TNS3: variants seen among roughly 807,000 people sequenced by gnomAD.
TNS3 encodes the protein tensin 3.
Under a neutral mutation model 140.9 loss-of-function variants are expected in TNS3, and 45 were observed. The observed-to-expected ratio is 0.32, with a 90% CI of 0.25 to 0.41. TNS3 has a LOEUF of 0.41. Ranked by LOEUF, TNS3 falls within the 10% of genes least tolerant of loss-of-function variation. TNS3 has a pLI of 1.00. For synonymous variants in TNS3, 815 were observed against 788.4 expected, an observed-to-expected ratio of 1.03 and a Z score of -0.56; for missense variants, 1,716 against 1,906.7, an observed-to-expected ratio of 0.90 and a Z score of 1.86.
At position 47,428,312 on chromosome 7, in the gene TNS3, C is replaced by T; in HGVS notation, c.389G>A (p.Ser130Asn). ...CAGCGAGCTGACATCTTCATCCTAC[C>T]TGGCTGAGACGTTGGTGAAATGCAT... ...SYMHFTNVSASADQALDRFAM... is the reference protein window; with the variant it reads ...SYMHFTNVSANADQALDRFAM... Residue 130 changes from serine to asparagine, a missense_variant and splice_region_variant, in exon 9 of 31, where the codon AGC (serine) becomes AAC (asparagine). Around this residue, in one of 3 missense-constraint regions of TNS3, gnomAD observed 337 missense variants for 428.9 expected, o/e 0.79. Transcript: ENST00000311160. 6.9e-7 allele frequency: 1 copy of T among 1,441,904 alleles called. No homozygotes were observed. Among genetic ancestry groups the T allele is most frequent in the Non-Finnish European group, 9.2e-7 (1 of 1,091,550 alleles). 89.3% of individuals were successfully genotyped at this position (1,441,904 alleles called of 1,614,324 possible). A position where few individuals can be genotyped will look rare whatever the true frequency, so the allele number is the denominator to read the frequency against.
intron 9 of TNS3, among the ~76,000 whole-genome samples, chr7:47,424,569 C>T (rs1315806845): frequency 4.6e-5 from 7 of 152,136 alleles, no homozygotes; most frequent in Admixed American, 4.6e-4. Context: ...ATAAAGAAGA[C>T]CATTTTAAGT....
chr7:47,460,670 G>T (rs1421757283), intron 4 of TNS3, among the ~76,000 whole-genome samples: 1 of 152,252 alleles, frequency 6.6e-6, no homozygotes, highest in Non-Finnish European at 1.5e-5. Flanking sequence ...GGGCCGGAAT[G>T]GCCCCTAGCC....
intron 27 of TNS3, 139 bp downstream of exon 27, chr7:47,291,816 G>T: frequency 1.1e-6 from 1 of 909,080 alleles, no homozygotes; most frequent in Non-Finnish European, 1.7e-6. Flanking sequence ...CTCTGTGCAA[G>T]CTTCTATAAA....
intron 17 of TNS3, among the ~76,000 whole-genome samples, chr7:47,363,867 G>A (rs1008076975): frequency 2.6e-5 from 4 of 152,200 alleles, no homozygotes; most frequent in South Asian, 2.1e-4. Context: ...CCTTTTGGAC[G>A]TGCCAGAATC....
At chr7:47,430,831 G>A (rs918181781) in intron 8 of TNS3, among the ~76,000 whole-genome samples, 6 of 151,020 alleles carry the variant, frequency 4.0e-5, no homozygotes, top group East Asian at 3.9e-4. Flanking sequence ...AGCGATTCTC[G>A]TGCCTCAGCC....
In TNS3 at chr7:47,564,528, C is replaced by T. The variant is rs571491318; in HGVS notation, c.-265+17523G>A. Among the ~76,000 whole-genome samples, 312 of 150,416 alleles carry T rather than the reference C, an allele frequency of 2.1e-3. 1 individual carries two copies. The highest frequency in any genetic ancestry group is 4.0e-3 in the Non-Finnish European group (274 of 67,748). On this transcript the variant is annotated intron_variant, in intron 1 of 30. Transcript: ENST00000311160. ...GCACACACCTGTAATCCCAGCTACT[C>T]GGGAGGCTGAGGCAGGAGAATAGCT...
intron 4 of TNS3, among the ~76,000 whole-genome samples, chr7:47,467,685 T>C (rs1796779475): frequency 6.6e-6 from 1 of 152,186 alleles, no homozygotes; most frequent in Admixed American, 6.5e-5. Context: ...ACCGCCATGG[T>C]ACCTGCTTCT....
chr7:47,332,254 A>G (rs1267628897), intron 20 of TNS3, among the ~76,000 whole-genome samples: 1 of 152,182 alleles, frequency 6.6e-6, no homozygotes, highest in African/African-American at 2.4e-5. Flanking sequence ...AACTGTGGGG[A>G]GGTGGATTAC....
At chr7:47,534,564 C>T (rs1799533276) in intron 1 of TNS3, among the ~76,000 whole-genome samples, 1 of 152,180 alleles carries the variant, frequency 6.6e-6, no homozygotes. Flanking sequence ...AATCAGAACA[C>T]TGGAATGTTG....
intron 24 of TNS3, 87 bp downstream of exon 24, chr7:47,296,995 C>A: frequency 6.7e-7 from 1 of 1,501,882 alleles, no homozygotes; most frequent in South Asian, 1.3e-5. Context: ...TTGTTAAAGT[C>A]ATCTTTTATT....
In TNS3 at chr7:47,335,837, G is replaced by A. The variant is rs115517168; in HGVS notation, c.2650+8918C>T. ...GTACAGGACATGAAACTAGGGCTCAGAGAGGTCCCTAGAACTGCCTGAGCT... is the reference window on the plus strand; with the variant it reads ...GTACAGGACATGAAACTAGGGCTCAAAGAGGTCCCTAGAACTGCCTGAGCT... On this transcript the variant is annotated intron_variant, in intron 20 of 30. Coordinates refer to ENST00000311160, the MANE Select transcript of TNS3 (RefSeq NM_022748.12). Among the ~76,000 whole-genome samples, 193 of 152,308 alleles carry A rather than the reference G, an allele frequency of 1.3e-3. 1 individual carries two copies. Among genetic ancestry groups the A allele is most frequent in the African/African-American group, 4.4e-3 (181 of 41,566 alleles).
At chr7:47,447,397 G>C (rs1370320628) in intron 4 of TNS3, among the ~76,000 whole-genome samples, 9 of 152,128 alleles carry the variant, frequency 5.9e-5, no homozygotes, top group Non-Finnish European at 1.2e-4. Context: ...CCTCTTTTGG[G>C]AGAAAGTAGC....
intron 27 of TNS3, among the ~76,000 whole-genome samples, chr7:47,288,627 G>T (rs891182266): frequency 1.3e-5 from 2 of 152,130 alleles, no homozygotes; most frequent in African/African-American, 4.8e-5. Flanking sequence ...TACTTTAACA[G>T]AAGAAAGCTA....
chr7:47,510,207 C>T (rs1271022373), intron 2 of TNS3, among the ~76,000 whole-genome samples: 1 of 152,158 alleles, frequency 6.6e-6, no homozygotes, highest in East Asian at 1.9e-4. Context: ...CTATGGAGAC[C>T]TCATTACCTG....
At chr7:47,567,183 T>C (rs1800448362) in intron 1 of TNS3, among the ~76,000 whole-genome samples, 1 of 152,148 alleles carries the variant, frequency 6.6e-6, no homozygotes, top group Non-Finnish European at 1.5e-5. Context: ...TGTGCAACAA[T>C]CTACAAGGCA....
Position 47,344,928 on chromosome 7 carries a change from C to T in TNS3, c.2562G>A (p.Pro854=), listed in dbSNP as rs896371442. ...CTAGTGTTACTTCATTCTTACCATA[C>T]GGTGTCTCTGGAGACACAGGAAATG... ...TPAFPVSPET[P]YVKTALRHPP... is the part of the protein sequence containing the mutation. The change falls in exon 19 of 31, where the codon CCG becomes CCA. Residue 854 remains proline (P), a synonymous_variant. Transcript: ENST00000311160. The T allele has an allele frequency of 2.5e-6, 4 of 1,614,034 alleles. No individual in the cohort carries two copies. Among genetic ancestry groups the T allele is most frequent in the Admixed American group, 3.3e-5 (2 of 60,024 alleles).
At chr7:47,430,578 T>C (rs894667778) in intron 8 of TNS3, among the ~76,000 whole-genome samples, 1 of 152,120 alleles carries the variant, frequency 6.6e-6, no homozygotes, top group Non-Finnish European at 1.5e-5. Flanking sequence ...TTAGACCAAA[T>C]AGACCTTACA....
intron 20 of TNS3, among the ~76,000 whole-genome samples, chr7:47,321,078 C>T (rs1787708785): frequency 6.6e-6 from 1 of 152,234 alleles, no homozygotes; most frequent in Non-Finnish European, 1.5e-5. Context: ...CAGCCTGAGG[C>T]AGGACTCCAG....
chr7:47,322,779 C>A (rs1277727954), intron 20 of TNS3, among the ~76,000 whole-genome samples: 1 of 152,130 alleles, frequency 6.6e-6, no homozygotes, highest in Non-Finnish European at 1.5e-5. Flanking sequence ...ATCACAGAAG[C>A]CCTACCCGGG....
Sources: allele counts gnomAD v4.1 joint callset (sites outside exome capture counted in the v4.1 genomes callset), GRCh38; gene constraint gnomAD v4.1.1; regional missense constraint gnomAD v4.1.1; transcripts MANE v1.5; gene names NCBI Gene and HGNC (gene_info 2026-07-23, HGNC 2026-07-21).